SPAG16: variants seen among roughly 807,000 people sequenced by gnomAD.
SPAG16 encodes the protein sperm associated antigen 16, also known as sperm-associated antigen 16 protein.
A neutral mutation model predicts 80.4 loss-of-function variants in SPAG16; 86 were observed. The ratio of observed to expected loss-of-function variants is 1.07; its 90% CI spans 0.90 to 1.28. The LOEUF (loss-of-function observed/expected upper bound fraction) is 1.28, where lower values mean the gene tolerates loss of function less well. Ranked by LOEUF, SPAG16 falls within the 50% of genes most tolerant of loss-of-function variation. The pLI is 0.00. For synonymous variants in SPAG16, 294 were observed against 265.9 expected, an observed-to-expected ratio of 1.11 and a Z score of -1.03; for missense variants, 870 against 765.3, an observed-to-expected ratio of 1.14 and a Z score of -1.61.
At chr2:214,279,724 A>G (rs1471090237) in intron 15 of SPAG16, among the ~76,000 whole-genome samples, 2 of 152,208 alleles carry the variant, frequency 1.3e-5, no homozygotes, top group African/African-American at 2.4e-5. Context: ...CACAACACAT[A>G]TTCATTTCAA....
intron 15 of SPAG16, among the ~76,000 whole-genome samples, chr2:214,291,061 T>A (rs1018083577): frequency 3.5e-4 from 53 of 152,218 alleles, no homozygotes; most frequent in African/African-American, 1.3e-3. Context: ...GTATATATAT[T>A]TAGAATTGTT....
intron 4 of SPAG16, among the ~76,000 whole-genome samples, chr2:213,311,516 T>A (rs1189689382): frequency 6.6e-6 from 1 of 151,652 alleles, no homozygotes; most frequent in Admixed American, 6.6e-5. Flanking sequence ...TCTGAATTGA[T>A]GAGATGAAAT....
At chr2:213,415,181 T>A (rs1478067681) in intron 9 of SPAG16, among the ~76,000 whole-genome samples, 5 of 152,032 alleles carry the variant, frequency 3.3e-5, no homozygotes, top group Admixed American at 6.5e-5. Context: ...GGAAGCTAGG[T>A]AAGAGAACAA....
intron 10 of SPAG16, among the ~76,000 whole-genome samples, chr2:213,604,705 A>G (rs942912689): frequency 2.0e-5 from 3 of 151,824 alleles, no homozygotes; most frequent in South Asian, 2.1e-4. Flanking sequence ...TTTCCCTTCT[A>G]CAGTTCTATT....
intron 15 of SPAG16, among the ~76,000 whole-genome samples, chr2:214,155,089 G>T (rs1291853493): frequency 6.6e-6 from 1 of 152,130 alleles, no homozygotes; most frequent in South Asian, 2.1e-4. Flanking sequence ...AGTCCAGGAA[G>T]GCCAAGGCAG....
chr2:213,739,882 G>A (rs572088240), intron 10 of SPAG16, among the ~76,000 whole-genome samples: 3 of 152,150 alleles, frequency 2.0e-5, no homozygotes, highest in Admixed American at 6.5e-5. Flanking sequence ...GACCAAAAGC[G>A]TGAGCCACTG....
At chr2:214,284,243 TC>T (rs1693179097) in intron 15 of SPAG16, among the ~76,000 whole-genome samples, 1 of 152,212 alleles carries the variant, frequency 6.6e-6, no homozygotes, top group South Asian at 2.1e-4. Context: ...TTATTTTATG[TC>T]AGTCATATTG....
chr2:213,769,773 C>T (rs75586604), intron 10 of SPAG16, among the ~76,000 whole-genome samples: 3,491 of 152,216 alleles, frequency 0.023, 133 homozygotes, highest in African/African-American at 0.078. Context: ...AATGCACAGA[C>T]GTGTACAGTT....
chr2:214,397,709 GGATA>G (rs766251168), intron 15 of SPAG16, among the ~76,000 whole-genome samples: 33 of 152,248 alleles, frequency 2.2e-4, no homozygotes, highest in African/African-American at 3.9e-4. Context: ...GGAGGCAAGA[GGATA>G]GATAGATAGT....
At chr2:214,294,699 A>C (rs180916140) in intron 15 of SPAG16, among the ~76,000 whole-genome samples, 2 of 152,180 alleles carry the variant, frequency 1.3e-5, no homozygotes, top group African/African-American at 4.8e-5. Flanking sequence ...GACTCCAAAG[A>C]TTATCTGATA....
chr2:214,216,991 CT>C (rs1419583166), intron 15 of SPAG16, among the ~76,000 whole-genome samples: 3 of 152,088 alleles, frequency 2.0e-5, no homozygotes, highest in Non-Finnish European at 4.4e-5. Flanking sequence ...TTTTTACAAT[CT>C]TTTTTTATAG....
At chr2:214,172,576 C>T (rs372980113) in intron 15 of SPAG16, among the ~76,000 whole-genome samples, 3 of 151,932 alleles carry the variant, frequency 2.0e-5, no homozygotes, top group African/African-American at 4.8e-5. Flanking sequence ...TGCATGTGTC[C>T]TTATAGCAGC....
At chr2:213,411,785 A>T (rs2068979734) in intron 9 of SPAG16, among the ~76,000 whole-genome samples, 1 of 152,166 alleles carries the variant, frequency 6.6e-6, no homozygotes, top group African/African-American at 2.4e-5. Flanking sequence ...CCGTAAGTAG[A>T]TGCAGAGGCT....
At position 214,381,368 on chromosome 2, in the gene SPAG16, T is replaced by C. The variant is rs143395545; in HGVS notation, c.1721-28772T>C. On this transcript the variant is annotated intron_variant, in intron 15 of 15. Coordinates refer to ENST00000331683, the MANE Select transcript of SPAG16 (RefSeq NM_024532.5). The stretch of plus-strand genomic sequence containing the variant: ...ATGAAAGAGCAATGATACCTTTCCA[T>C]GTGGGCAAGTTCTTTCTGCATAGAG... 4.1e-4 allele frequency among the ~76,000 whole-genome samples: 62 copies of C among 152,318 alleles called. No homozygotes were observed. In the East Asian group the frequency reaches 0.01, roughly 25 times the overall value.
At chr2:214,281,509 G>C (rs974387505) in intron 15 of SPAG16, 1 of 154,190 alleles carries the variant, frequency 6.5e-6, no homozygotes, top group African/African-American at 2.4e-5. Flanking sequence ...GCTCAGCAGC[G>C]CTAGGTGGGG....
intron 15 of SPAG16, among the ~76,000 whole-genome samples, chr2:214,302,260 T>C (rs2125957125): frequency 6.6e-6 from 1 of 152,308 alleles, no homozygotes; most frequent in East Asian, 1.9e-4. Flanking sequence ...TCTGAAGTTG[T>C]TGGGTATAAT....
Position 213,804,858 on chromosome 2 carries a change from T to A in SPAG16, c.1071-57627T>A, listed in dbSNP as rs528417544. On this transcript the variant is annotated intron_variant, in intron 10 of 15. Coordinates refer to ENST00000331683, the MANE Select transcript of SPAG16 (RefSeq NM_024532.5). ...AAATTTGACACGTGATGAGGCCAGA[T>A]AGGATGCTGGAGGCCAATTCACGTC... 2.0e-5 allele frequency among the ~76,000 whole-genome samples: 3 copies of A among 152,208 alleles called. No homozygotes were observed. The South Asian group carries it at 6.2e-4, about 32-fold the overall frequency.
intron 7 of SPAG16, among the ~76,000 whole-genome samples, chr2:213,357,043 A>G (rs1298844630): frequency 6.6e-6 from 1 of 152,044 alleles, no homozygotes; most frequent in African/African-American, 2.4e-5. Context: ...TTCAGTTTCC[A>G]TGTAGTTGTG....
In SPAG16 at chr2:213,573,012, C is replaced by T. The variant is rs571043141; in HGVS notation, c.1070+82922C>T. 2.0e-4 allele frequency among the ~76,000 whole-genome samples: 31 copies of T among 152,230 alleles called. No individual in the cohort carries two copies. The South Asian group carries it at 6.4e-3, about 32-fold the overall frequency. On this transcript the variant is annotated intron_variant, in intron 10 of 15. Coordinates refer to ENST00000331683, the MANE Select transcript of SPAG16 (RefSeq NM_024532.5). The stretch of plus-strand genomic sequence containing the variant: ...AGTGACCCGATTTTCCAGGTGCGTC[C>T]ATCACCCCTTTCTTTGACTCGGAAA...
Sources: gnomAD v4.1 joint callset for allele counts (sites outside exome capture counted in the v4.1 genomes callset) on GRCh38, gnomAD v4.1.1 for gene constraint, MANE v1.5 for transcripts, NCBI Gene and HGNC (gene_info 2026-07-23, HGNC 2026-07-21) for gene names.